GNA12: variants seen among roughly 807,000 people sequenced by gnomAD.
GNA12 encodes the protein guanine nucleotide-binding protein subunit alpha-12.
Under a neutral mutation model 26.0 loss-of-function variants are expected in GNA12, and 9 were observed. That is an observed-to-expected ratio of 0.35 (90% confidence interval 0.21 to 0.60). GNA12 has a LOEUF of 0.60. Among genes scored for constraint, GNA12 ranks in the 20% least tolerant of loss-of-function variants. The pLI is 0.78. For synonymous variants in GNA12, 264 were observed against 219.6 expected (o/e 1.20, Z -1.79); for missense variants, 405 against 525.8 (o/e 0.77, Z 2.25).
At position 2,728,915 on chromosome 7, in the gene GNA12, G is replaced by A. The variant is rs890738325; in HGVS notation, c.*2266C>T. ...CAGGGCGGTGGGGTCAGCGCTGAGC[G>A]GGTCAAGAGCCCGCGCCGGGGGCCA... On this transcript the variant is annotated 3_prime_UTR_variant, in exon 4 of 4. Coordinates refer to ENST00000275364, the MANE Select transcript of GNA12 (RefSeq NM_007353.3). 4 of 152,388 alleles carry A rather than the reference G, an allele frequency of 2.6e-5. 1 individual carries two copies. Among genetic ancestry groups the A allele is most frequent in the South Asian group, 4.1e-4 (2 of 4,838 alleles). The allele number at this position is 152,388 out of a possible 1,614,324, so 9.4% of individuals were successfully genotyped here.
At chr7:2,813,649 G>T (rs181554827) in intron 1 of GNA12, among the ~76,000 whole-genome samples, 3 of 152,238 alleles carry the variant, frequency 2.0e-5, no homozygotes, top group African/African-American at 7.2e-5. Flanking sequence ...TGGAAATGGA[G>T]GCAATCGCCC....
intron 2 of GNA12, among the ~76,000 whole-genome samples, chr7:2,755,199 T>G (rs992125341): frequency 6.6e-6 from 1 of 151,984 alleles, no homozygotes; most frequent in Non-Finnish European, 1.5e-5. Flanking sequence ...TCAGGGAGAG[T>G]GGCCCCTCCC....
rs1250301412 is a variant in GNA12 at position 2,837,086 on chromosome 7, G to A, written c.309+6767C>T. ...TGTCAAATAGTGCTGGCAGGGCCAA[G>A]CAGGGATCTCACCTCCCATTCTCTG... On this transcript the variant is annotated intron_variant, in intron 1 of 3. Transcript: ENST00000275364. 2.6e-5 allele frequency among the ~76,000 whole-genome samples: 4 copies of A among 152,218 alleles called. No individual in the cohort carries two copies. In the East Asian group the frequency reaches 7.7e-4, roughly 29 times the overall value.
chr7:2,768,586 A>C (rs761977412), intron 2 of GNA12, among the ~76,000 whole-genome samples: 8 of 152,098 alleles, frequency 5.3e-5, no homozygotes, highest in African/African-American at 1.7e-4. Flanking sequence ...TTTCTTTCAA[A>C]ATGGTTATAA....
intron 1 of GNA12, among the ~76,000 whole-genome samples, chr7:2,803,689 A>T (rs1469092143): frequency 2.0e-5 from 3 of 152,126 alleles, no homozygotes; most frequent in African/African-American, 7.2e-5. Flanking sequence ...TCTCAAGAGG[A>T]GATGGAACTG....
At chr7:2,785,405 C>G (rs887149823) in intron 2 of GNA12, among the ~76,000 whole-genome samples, 1 of 152,180 alleles carries the variant, frequency 6.6e-6, no homozygotes, top group Non-Finnish European at 1.5e-5. Context: ...TTCTCAGGTC[C>G]TTCTGACTGT....
chr7:2,801,199 G>T (rs35341157), intron 1 of GNA12, among the ~76,000 whole-genome samples: 1 of 152,090 alleles, frequency 6.6e-6, no homozygotes, highest in Non-Finnish European at 1.5e-5. Flanking sequence ...GGCCCTGCTC[G>T]TCCAACTCAA....
chr7:2,768,677 C>CAAAAAAAAAAAAAAAAAAA (rs1791871309), intron 2 of GNA12, among the ~76,000 whole-genome samples: 1 of 78,022 alleles, frequency 1.3e-5, no homozygotes, highest in African/African-American at 3.7e-5. Context: ...AAAAAAAAAA[C>CAAAAAAAAAAAAAAAAAAA]AAAACAAAAC....
intron 1 of GNA12, among the ~76,000 whole-genome samples, chr7:2,800,017 A>C (rs1792770533): frequency 6.6e-6 from 1 of 152,242 alleles, no homozygotes; most frequent in Admixed American, 6.5e-5. Context: ...TAGCAGCTGT[A>C]CTTGGGTATT....
At chr7:2,734,789 A>G (rs1391723612) in intron 2 of GNA12, among the ~76,000 whole-genome samples, 2 of 152,138 alleles carry the variant, frequency 1.3e-5, no homozygotes, top group Non-Finnish European at 2.9e-5. Context: ...GCGAGCACAC[A>G]TCCTCCTCCT....
At position 2,773,455 on chromosome 7, in the gene GNA12, G is replaced by A. The variant is rs377065711; in HGVS notation, c.525+21473C>T. ...TGGGCATCTGTAATCCCAGCTACTC[G>A]GGAGGCTGAGGCAGGAGAATTGCTT... On this transcript the variant is annotated intron_variant, in intron 2 of 3. Coordinates refer to ENST00000275364, the MANE Select transcript of GNA12 (RefSeq NM_007353.3). Among the ~76,000 whole-genome samples the A allele has an allele frequency of 2.4e-4, 36 of 152,228 alleles. 2 individuals carry two copies. Among genetic ancestry groups the A allele is most frequent in the African/African-American group, 7.7e-4 (32 of 41,536 alleles).
chr7:2,800,327 G>A (rs1048397428), intron 1 of GNA12, among the ~76,000 whole-genome samples: 3 of 152,216 alleles, frequency 2.0e-5, no homozygotes, highest in African/African-American at 7.2e-5. Flanking sequence ...GGTTAGTAAT[G>A]GGAAAGACAG....
At chr7:2,797,993 C>T (rs1181794353) in intron 1 of GNA12, among the ~76,000 whole-genome samples, 1 of 152,122 alleles carries the variant, frequency 6.6e-6, no homozygotes. Context: ...AGAAATGCTT[C>T]AACTTGATAA....
intron 2 of GNA12, among the ~76,000 whole-genome samples, chr7:2,768,570 A>G (rs1025003411): frequency 5.3e-5 from 8 of 152,156 alleles, no homozygotes; most frequent in South Asian, 4.1e-4. Flanking sequence ...CCTAATGCTA[A>G]TAAGTTTTCT....
chr7:2,839,976 C>T (rs141892450), intron 1 of GNA12, among the ~76,000 whole-genome samples: 7 of 151,980 alleles, frequency 4.6e-5, no homozygotes, highest in African/African-American at 1.5e-4. Flanking sequence ...CCAGCCTGGG[C>T]GACAGAGCAA....
chr7:2,841,081 T>C (rs1183232774), intron 1 of GNA12, among the ~76,000 whole-genome samples: 1 of 152,184 alleles, frequency 6.6e-6, no homozygotes, highest in Non-Finnish European at 1.5e-5. Flanking sequence ...AGTTAACACA[T>C]TTTGTTTCTG....
chr7:2,747,108 C>G (rs1355331781), intron 2 of GNA12, among the ~76,000 whole-genome samples: 1 of 152,210 alleles, frequency 6.6e-6, no homozygotes, highest in African/African-American at 2.4e-5. Flanking sequence ...GGAGCTGGCA[C>G]CATTCCTTCT....
chr7:2,800,829 C>T (rs894013792), intron 1 of GNA12, among the ~76,000 whole-genome samples: 3 of 152,164 alleles, frequency 2.0e-5, no homozygotes, highest in Non-Finnish European at 2.9e-5. Context: ...TCCTTCCTCC[C>T]GGCTCCCCCA....
intron 2 of GNA12, among the ~76,000 whole-genome samples, chr7:2,747,402 C>T (rs547154277): frequency 1.3e-5 from 2 of 152,332 alleles, no homozygotes; most frequent in South Asian, 2.1e-4. Context: ...AGTATATAAA[C>T]AGAACCAAAG....
Sources: allele counts gnomAD v4.1 joint callset (sites outside exome capture counted in the v4.1 genomes callset), GRCh38; gene constraint gnomAD v4.1.1; transcripts MANE v1.5; gene names NCBI Gene and HGNC (gene_info 2026-07-23, HGNC 2026-07-21).